ANKRD12: variants seen among roughly 807,000 people sequenced by gnomAD.
ANKRD12 encodes the protein ankyrin repeat domain 12, also known as ankyrin repeat domain-containing protein 12.
ANKRD12 carries 85 observed loss-of-function variants against 183.4 expected under a neutral mutation model. That is an observed-to-expected ratio of 0.46 (90% CI 0.39 to 0.56). The LOEUF (loss-of-function observed/expected upper bound fraction) is 0.56, where lower values mean the gene tolerates loss of function less well. ANKRD12 is among the 20% of genes least tolerant of loss of function. The pLI is 0.00. For synonymous variants in ANKRD12, 914 were observed against 800.2 expected (o/e 1.14, Z -2.40); for missense variants, 2,405 against 2,357.1 (o/e 1.02, Z -0.42).
At chr18:9,267,376 G>T (rs2039354481) in intron 10 of ANKRD12, among the ~76,000 whole-genome samples, 1 of 152,102 alleles carries the variant, frequency 6.6e-6, no homozygotes, top group African/African-American at 2.4e-5. Context: ...TGGAAGTAAA[G>T]CACTCCTCAG....
At chr18:9,214,841 A>G (rs2036003617) in intron 6 of ANKRD12, among the ~76,000 whole-genome samples, 1 of 152,162 alleles carries the variant, frequency 6.6e-6, no homozygotes. Flanking sequence ...ACTTTTTTGT[A>G]AAACATTCTT....
At chr18:9,221,753 G>GGT (rs2144749918) in intron 7 of ANKRD12, 99 bp from the exon 8 acceptor site, 1 of 1,213,000 alleles carries the variant, frequency 8.2e-7, no homozygotes, top group East Asian at 2.5e-5. Context: ...GAGTAAATGA[G>GGT]GTAACACTCA....
At chr18:9,175,099 C>T (rs1327882948) in intron 1 of ANKRD12, among the ~76,000 whole-genome samples, 7 of 152,014 alleles carry the variant, frequency 4.6e-5, no homozygotes, top group Non-Finnish European at 7.4e-5. Context: ...GGAATACAGG[C>T]GTGCGTCACC....
At chr18:9,268,124 T>C (rs983684601) in intron 10 of ANKRD12, among the ~76,000 whole-genome samples, 6 of 152,062 alleles carry the variant, frequency 3.9e-5, no homozygotes, top group African/African-American at 1.2e-4. Flanking sequence ...AGGCAATAAT[T>C]AATAGCTTAC....
At chr18:9,160,812 G>A (rs1429270841) in intron 1 of ANKRD12, among the ~76,000 whole-genome samples, 1 of 152,186 alleles carries the variant, frequency 6.6e-6, no homozygotes. Flanking sequence ...CCTAATCAAA[G>A]CTAAAAACAG....
chr18:9,250,580 A>G (rs561091693), intron 8 of ANKRD12, among the ~76,000 whole-genome samples: 1 of 152,228 alleles, frequency 6.6e-6, no homozygotes, highest in East Asian at 1.9e-4. Flanking sequence ...CTAGTCGGGT[A>G]TGGTGGCGCA....
intron 1 of ANKRD12, among the ~76,000 whole-genome samples, chr18:9,140,998 T>A (rs1376432218): frequency 1.1e-4 from 16 of 152,122 alleles, no homozygotes; most frequent in Admixed American, 1.0e-3. Flanking sequence ...ATAGATTTCA[T>A]TATCCTGTTT....
At chr18:9,170,260 G>A (rs958795444) in intron 1 of ANKRD12, among the ~76,000 whole-genome samples, 7 of 152,190 alleles carry the variant, frequency 4.6e-5, no homozygotes, top group African/African-American at 1.7e-4. Context: ...ATGTTGGCCT[G>A]CCTTGCTAGA....
At position 9,256,180 on chromosome 18, in the gene ANKRD12, T is replaced by C. The variant is rs1299718437; in HGVS notation, c.2913T>C (p.Asn971=). The change falls in exon 9 of 13, where the codon AAT becomes AAC. Residue 971 remains asparagine (N), a synonymous_variant. Coordinates refer to ENST00000262126, the MANE Select transcript of ANKRD12 (RefSeq NM_015208.5). ...KEKSRDKESI[N]ITNSKHIQEE... ...AATCTAGAGATAAAGAAAGTATAAA[T>C]ATAACTAACTCCAAACACATACAGG... The C allele has an allele frequency of 1.3e-6, 2 of 1,562,026 alleles. No homozygotes were observed. Among genetic ancestry groups the C allele is most frequent in the African/African-American group, 2.8e-5 (2 of 71,616 alleles).
intron 3 of ANKRD12, 104 bp from the exon 4 acceptor site, chr18:9,204,372 A>G: frequency 1.3e-6 from 1 of 785,870 alleles, no homozygotes; most frequent in Non-Finnish European, 2.1e-6. Context: ...GCAAAACAAT[A>G]ATAGCTTATT....
intron 1 of ANKRD12, among the ~76,000 whole-genome samples, chr18:9,149,490 T>C (rs1273796561): frequency 6.6e-6 from 1 of 152,184 alleles, no homozygotes; most frequent in Non-Finnish European, 1.5e-5. Context: ...ATTTTAGAAT[T>C]GGAATGAACA....
intron 8 of ANKRD12, among the ~76,000 whole-genome samples, chr18:9,222,928 G>A (rs192250921): frequency 3.7e-4 from 57 of 152,234 alleles, no homozygotes; most frequent in African/African-American, 1.3e-3. Context: ...AAAAGAAAAT[G>A]AAGTCATGGA....
chr18:9,137,559 G>T (rs959504164), intron 1 of ANKRD12: 3 of 150,096 alleles, frequency 2.0e-5, no homozygotes, highest in Admixed American at 6.6e-5. Flanking sequence ...CGGGGAGTCT[G>T]CCGCGGCCGC....
chr18:9,243,073 T>G (rs1275219201), intron 8 of ANKRD12, among the ~76,000 whole-genome samples: 1 of 152,222 alleles, frequency 6.6e-6, no homozygotes, highest in African/African-American at 2.4e-5. Context: ...TCAATCAGTT[T>G]GGGGATGTGA....
At chr18:9,260,285 C>T (rs996573086) in intron 9 of ANKRD12, 8 of 152,152 alleles carry the variant, frequency 5.3e-5, no homozygotes, top group African/African-American at 1.7e-4. Flanking sequence ...ATAACAATAA[C>T]TGTAATCCCA....
intron 3 of ANKRD12, among the ~76,000 whole-genome samples, chr18:9,200,919 G>C (rs2035127725): frequency 6.6e-6 from 1 of 152,104 alleles, no homozygotes; most frequent in South Asian, 2.1e-4. Flanking sequence ...GCTCATACAT[G>C]GGCTTTGTCT....
chr18:9,250,623 G>A (rs1304293612), intron 8 of ANKRD12, among the ~76,000 whole-genome samples: 1 of 152,136 alleles, frequency 6.6e-6, no homozygotes, highest in Non-Finnish European at 1.5e-5. Flanking sequence ...GGAGGTTGAG[G>A]CAGAAAGATC....
At position 9,255,174 on chromosome 18, in the gene ANKRD12, C is replaced by A; in HGVS notation, c.1907C>A (p.Ser636Ter). The A allele has an allele frequency of 6.3e-7, 1 of 1,579,740 alleles. No individual in the cohort carries two copies. The highest frequency in any genetic ancestry group is 8.6e-7 in the Non-Finnish European group (1 of 1,168,584). ...DEDHSPTFEN[S>*]DCTLKKMDKE... ...GATCATAGTCCAACATTTGAAAATT[C>A]AGATTGCACACTGAAAAAAATGGAT... The change falls in exon 9 of 13, where the codon TCA becomes TAA. Residue 636 changes from serine (S) to a stop codon, truncating the protein, a stop_gained. Coordinates refer to ENST00000262126, the MANE Select transcript of ANKRD12 (RefSeq NM_015208.5). LOFTEE classifies it high-confidence loss of function.
At chr18:9,270,849 A>G (rs1485776452) in intron 10 of ANKRD12, among the ~76,000 whole-genome samples, 1 of 152,240 alleles carries the variant, frequency 6.6e-6, no homozygotes, top group African/African-American at 2.4e-5. Context: ...TATTTGACCA[A>G]TAAACAATTT....
Sources: allele counts gnomAD v4.1 joint callset (sites outside exome capture counted in the v4.1 genomes callset), GRCh38; gene constraint gnomAD v4.1.1; transcripts MANE v1.5; gene names NCBI Gene and HGNC (gene_info 2026-07-23, HGNC 2026-07-21).